Variants in DPP10 observed in about 807,000 individuals in gnomAD.
The protein encoded by DPP10 is dipeptidyl peptidase like 10.
Under a neutral mutation model 120.9 loss-of-function variants are expected in DPP10, and 33 were observed. The ratio of observed to expected loss-of-function variants is 0.27; its 90% confidence interval spans 0.21 to 0.37. DPP10 has a LOEUF of 0.37. Ranked by LOEUF, DPP10 falls within the 10% of genes least tolerant of loss-of-function variation. DPP10 has a pLI of 1.00. For missense variants in DPP10, 816 were observed against 942.8 expected (o/e 0.87, Z 1.76); for synonymous variants, 337 against 326.1 (o/e 1.03, Z -0.36).
chr2:114,595,609 A>T (rs1429512252), intron 1 of DPP10, among the ~76,000 whole-genome samples: 2 of 152,162 alleles, frequency 1.3e-5, no homozygotes, highest in Non-Finnish European at 2.9e-5. Flanking sequence ...CACACATGGT[A>T]AAAAGCCAAC....
intron 1 of DPP10, among the ~76,000 whole-genome samples, chr2:114,465,381 A>G (rs1679275871): frequency 6.6e-6 from 1 of 152,076 alleles, no homozygotes; most frequent in African/African-American, 2.4e-5. Context: ...TTTACCTTGC[A>G]TCCATCATTT....
At chr2:114,718,421 A>G (rs1306700861) in intron 1 of DPP10, among the ~76,000 whole-genome samples, 1 of 150,524 alleles carries the variant, frequency 6.6e-6, no homozygotes, top group Non-Finnish European at 1.5e-5. Context: ...AAAAAAAAAA[A>G]AAAATTAGTT....
At chr2:115,783,717 C>T (rs551768487) in intron 17 of DPP10, among the ~76,000 whole-genome samples, 90 of 152,112 alleles carry the variant, frequency 5.9e-4, no homozygotes, top group African/African-American at 2.1e-3. Flanking sequence ...TTAACTCTAA[C>T]GGCAACAATA....
At chr2:115,358,342 A>C (rs2064542838) in intron 3 of DPP10, among the ~76,000 whole-genome samples, 2 of 152,172 alleles carry the variant, frequency 1.3e-5, no homozygotes, top group South Asian at 4.1e-4. Context: ...CTCTTTGCTA[A>C]AGCAAGAGTG....
At chr2:115,385,282 C>A (rs1282811733) in intron 3 of DPP10, among the ~76,000 whole-genome samples, 1 of 152,066 alleles carries the variant, frequency 6.6e-6, no homozygotes, top group South Asian at 2.1e-4. Flanking sequence ...GAAGAGAGGC[C>A]TCACTGAGTC....
intron 3 of DPP10, among the ~76,000 whole-genome samples, chr2:115,482,784 T>C (rs2075519476): frequency 2.6e-5 from 4 of 152,074 alleles, no homozygotes; most frequent in Non-Finnish European, 5.9e-5. Flanking sequence ...AATCAGTTCA[T>C]GATACTGGGA....
intron 1 of DPP10, among the ~76,000 whole-genome samples, chr2:114,697,912 C>T (rs76212364): frequency 1.3e-5 from 2 of 152,082 alleles, no homozygotes; most frequent in African/African-American, 4.8e-5. Flanking sequence ...CTTCTTACAA[C>T]TGTAACTTAT....
intron 1 of DPP10, among the ~76,000 whole-genome samples, chr2:114,496,767 T>C (rs1312240647): frequency 6.6e-6 from 1 of 152,014 alleles, no homozygotes; most frequent in African/African-American, 2.4e-5. Context: ...GAGGCTGGTT[T>C]GGGAACACTC....
chr2:115,535,896 A>G (rs1317010606), intron 5 of DPP10, among the ~76,000 whole-genome samples: 1 of 151,860 alleles, frequency 6.6e-6, no homozygotes, highest in Non-Finnish European at 1.5e-5. Flanking sequence ...GAGTTCACTC[A>G]TGATTTGGTT....
chr2:114,990,236 A>G (rs1558961206), intron 1 of DPP10, among the ~76,000 whole-genome samples: 1 of 152,166 alleles, frequency 6.6e-6, no homozygotes, highest in South Asian at 2.1e-4. Flanking sequence ...TGTGGTCATA[A>G]TTTGAACATA....
intron 1 of DPP10, among the ~76,000 whole-genome samples, chr2:115,268,980 C>T (rs1445494314): frequency 6.6e-6 from 1 of 152,088 alleles, no homozygotes; most frequent in East Asian, 1.9e-4. Context: ...ATACCTGTCT[C>T]TACTAAAAAT....
chr2:115,836,144 T>TATA lies in DPP10; in HGVS notation c.1951-13_1951-12insATA. ...GATATATATATATATATATATATAT[T>TATA]TTTCCCCCCCAGGGTTATGGTGGCT... On this transcript the variant is annotated splice_polypyrimidine_tract_variant and intron_variant, in intron 21 of 25. Coordinates refer to ENST00000410059, the MANE Select transcript of DPP10 (RefSeq NM_020868.6). The TATA allele has an allele frequency of 7.3e-7, 1 of 1,366,746 alleles. No individual in the cohort carries two copies. The highest frequency in any genetic ancestry group is 9.9e-7 in the Non-Finnish European group (1 of 1,014,742). The allele number at this position is 1,366,746 out of a possible 1,614,324, so 84.7% of individuals were successfully genotyped here.
rs34445525 is a variant in DPP10, at chr2:114,935,863, GTT to G, written c.61-373364_61-373363del. ...TGCACATTAAACTAAAAAACTGAAG[GTT>G]TTTTTTTTTTTAAATCAGTATCCTA... On this transcript the variant is annotated intron_variant, in intron 1 of 25. Transcript: ENST00000410059. Among the ~76,000 whole-genome samples the G allele has an allele frequency of 3.3e-3, 478 of 146,098 alleles. 1 individual carries two copies. The highest frequency in any genetic ancestry group is 0.012 in the African/African-American group (467 of 39,574).
chr2:114,742,591 A>G (rs1383521293), intron 1 of DPP10, among the ~76,000 whole-genome samples: 1 of 152,210 alleles, frequency 6.6e-6, no homozygotes, highest in East Asian at 1.9e-4. Flanking sequence ...ATATACTAAT[A>G]TGAGCATTCC....
chr2:114,826,808 G>A (rs935436608), intron 1 of DPP10, among the ~76,000 whole-genome samples: 4 of 152,308 alleles, frequency 2.6e-5, no homozygotes, highest in South Asian at 2.1e-4. Context: ...GATTACAGGC[G>A]TGAGCCACCG....
Position 114,560,185 on chromosome 2 carries a change from A to G in DPP10, c.60+117347A>G, listed in dbSNP as rs371634929. 6.4e-4 allele frequency among the ~76,000 whole-genome samples: 97 copies of G among 152,306 alleles called. 1 individual carries two copies. The South Asian group carries it at 0.019, about 30-fold the overall frequency. On this transcript the variant is annotated intron_variant, in intron 1 of 25. Coordinates refer to ENST00000410059, the MANE Select transcript of DPP10 (RefSeq NM_020868.6). ...TTGTGACTGGCATTATGAAAAAGCT[A>G]TTATTGGTGAACCATGGACTGCCCT...
intron 5 of DPP10, among the ~76,000 whole-genome samples, chr2:115,581,579 G>A (rs1200222442): frequency 6.6e-6 from 1 of 152,056 alleles, no homozygotes; most frequent in East Asian, 1.9e-4. Context: ...ATAAACCAAT[G>A]CTGGCCCTAT....
At chr2:115,091,223 A>AT (rs1406442233) in intron 1 of DPP10, among the ~76,000 whole-genome samples, 2 of 152,044 alleles carry the variant, frequency 1.3e-5, no homozygotes, top group Admixed American at 6.6e-5. Flanking sequence ...CTCCTGTTCT[A>AT]CCTTGTGGAT....
intron 1 of DPP10, among the ~76,000 whole-genome samples, chr2:114,589,240 A>G (rs1691257901): frequency 2.6e-5 from 4 of 152,134 alleles, no homozygotes; most frequent in African/African-American, 9.7e-5. Context: ...TCAGTTTTAT[A>G]AAGTTCTGGG....
Sources: gnomAD v4.1 joint callset for allele counts (sites outside exome capture counted in the v4.1 genomes callset) on GRCh38, gnomAD v4.1.1 for gene constraint, MANE v1.5 for transcripts, NCBI Gene and HGNC (gene_info 2026-07-23, HGNC 2026-07-21) for gene names.